Variants in NOTCH2NLB observed in about 807,000 individuals in gnomAD.
NOTCH2NLB encodes the protein notch 2 N-terminal like B.
NOTCH2NLB carries 1 observed loss-of-function variant against 14.8 expected under a neutral mutation model. The ratio of observed to expected loss-of-function variants is 0.07; its 90% CI spans 0.02 to 0.32. The LOEUF is 0.32. Among genes scored for constraint, NOTCH2NLB ranks in the 10% least tolerant of loss-of-function variants. NOTCH2NLB has a pLI of 1.00. For missense variants in NOTCH2NLB, 11 were observed against 155.0 expected, an observed-to-expected ratio of 0.07 and a Z score of 4.93; for synonymous variants, 6 against 57.5, an observed-to-expected ratio of 0.10 and a Z score of 4.05.
At chr1:148,646,036 A>G (rs1373618139) in intron 1 of NOTCH2NLB, among the ~76,000 whole-genome samples, 9 of 141,244 alleles carry the variant, frequency 6.4e-5, no homozygotes, top group Non-Finnish European at 9.4e-5. Context: ...ACGTTGAAAC[A>G]TAATCCCCAA....
At chr1:148,602,274 AAAAAAAGAAAAG>A (rs1663391064), downstream of NOTCH2NLB, among the ~76,000 whole-genome samples, 2 of 70,214 alleles carry the variant, frequency 2.8e-5, no homozygotes, top group Non-Finnish European at 4.8e-5. Flanking sequence ...AAAAAAAAAA[AAAAAAAGAAAAG>A]AAAAGAAAAT....
chr1:148,625,704 G>C (rs1475276142), intron 2 of NOTCH2NLB, among the ~76,000 whole-genome samples: 4 of 114,574 alleles, frequency 3.5e-5, no homozygotes, highest in Non-Finnish European at 5.2e-5. Flanking sequence ...GAGCTCTAGA[G>C]GGGGGAGCTG....
At chr1:148,645,593 G>C (rs1266396129) in intron 1 of NOTCH2NLB, among the ~76,000 whole-genome samples, 1 of 148,630 alleles carries the variant, frequency 6.7e-6, no homozygotes, top group East Asian at 1.9e-4. Flanking sequence ...CCTCTTTCCT[G>C]AACAGATCGT....
At chr1:148,670,539 A>AAAATATATAT (rs1445301786) in intron 1 of NOTCH2NLB, among the ~76,000 whole-genome samples, 1 of 93,482 alleles carries the variant, frequency 1.1e-5, no homozygotes, top group African/African-American at 4.3e-5. Flanking sequence ...TAAAAAAAAA[A>AAAATATATAT]ATATATATAT....
intron 3 of NOTCH2NLB, among the ~76,000 whole-genome samples, chr1:148,610,388 A>AG (rs1663663611): frequency 1.5e-5 from 2 of 129,378 alleles, no homozygotes; most frequent in African/African-American, 6.5e-5. Context: ...AGAAAGAAAG[A>AG]AAGAAAGGGA....
At chr1:148,649,625 C>T (rs1324102221) in intron 1 of NOTCH2NLB, among the ~76,000 whole-genome samples, 200 of 151,522 alleles carry the variant, frequency 1.3e-3, no homozygotes, top group Middle Eastern at 0.01. Flanking sequence ...ATTCTCCTGC[C>T]TCAGCCTCCC....
intron 2 of NOTCH2NLB, among the ~76,000 whole-genome samples, chr1:148,638,652 A>C (rs1664272296): frequency 1.3e-5 from 2 of 149,310 alleles, no homozygotes; most frequent in South Asian, 4.3e-4. Flanking sequence ...TCCAATCCAA[A>C]CAACCTATTG....
chr1:148,604,950 T>C (rs1403397005), downstream of NOTCH2NLB, among the ~76,000 whole-genome samples: 10,696 of 120,044 alleles, frequency 0.089, 67 homozygotes, highest in Middle Eastern at 0.15. Flanking sequence ...CAACGCCATA[T>C]ACACACACAC....
At chr1:148,661,440 C>T (rs1198063856) in intron 1 of NOTCH2NLB, among the ~76,000 whole-genome samples, 1 of 149,096 alleles carries the variant, frequency 6.7e-6, no homozygotes. Context: ...TAAAATATTA[C>T]CAAAGCCATA....
At chr1:148,684,462 ATTG>A (rs1206047778), upstream of NOTCH2NLB, among the ~76,000 whole-genome samples, 1 of 146,238 alleles carries the variant, frequency 6.8e-6, no homozygotes, top group Non-Finnish European at 1.5e-5. Context: ...TTCTGCCATG[ATTG>A]TTAAGTTTCC....
Position 148,679,716 on chromosome 1 carries a change from G to C in NOTCH2NLB, c.-252C>G, listed in dbSNP as rs1664898528. 7.9e-6 allele frequency: 8 copies of C among 1,015,080 alleles called. 2 individuals are homozygous for C. Among genetic ancestry groups the C allele is most frequent in the Non-Finnish European group, 9.9e-6 (8 of 805,826 alleles). The allele number at this position is 1,015,080 out of a possible 1,614,324, so 62.9% of individuals were successfully genotyped here. ...CCGCGCCCGGAGTCCGCCGCTCCTC[G>C]GCCGCCGCCTCAGCCGCCCGAAGTT... On this transcript the variant is annotated 5_prime_UTR_variant, in exon 1 of 5. Coordinates refer to ENST00000593495, the Ensembl canonical transcript of NOTCH2NLB.
intron 1 of NOTCH2NLB, among the ~76,000 whole-genome samples, chr1:148,651,174 T>C (rs1209165539): frequency 1.1e-4 from 14 of 129,184 alleles, no homozygotes; most frequent in African/African-American, 3.4e-4. Context: ...TATATATATA[T>C]ATATATATAT....
chr1:148,651,162 A>ATATATATATATAT (rs1325402394), intron 1 of NOTCH2NLB, among the ~76,000 whole-genome samples: 29 of 46,002 alleles, frequency 6.3e-4, no homozygotes, highest in Non-Finnish European at 8.3e-4. Flanking sequence ...AAAAAAAAAA[A>ATATATATATATAT]ATATATATAT....
chr1:148,651,155 AAAAAAAAATAT>A lies in NOTCH2NLB; in HGVS notation c.4-11077_4-11067del, dbSNP rs1385918513. ...AAGACTCTGCCTGAGAAAAAAAAAA[AAAAAAAAATAT>A]ATATATATATATATATATATATATA... On this transcript the variant is annotated intron_variant, in intron 1 of 4. Coordinates refer to ENST00000593495, the Ensembl canonical transcript of NOTCH2NLB. Among the ~76,000 whole-genome samples the A allele has an allele frequency of 6.7e-3, 584 of 86,860 alleles. 1 individual carries two copies. The highest frequency in any genetic ancestry group is 0.023 in the African/African-American group (550 of 23,912). The allele number at this position is 86,860 out of a possible 152,430, so 57.0% of individuals were successfully genotyped here. A position where few individuals can be genotyped will look rare whatever the true frequency, so the allele number is the denominator to read the frequency against.
intron 1 of NOTCH2NLB, among the ~76,000 whole-genome samples, chr1:148,673,627 T>C (rs1341962318): frequency 4.1e-5 from 6 of 145,158 alleles, no homozygotes; most frequent in Non-Finnish European, 1.5e-5. Flanking sequence ...AGTCCGAAAA[T>C]GCTGGATTTC....
chr1:148,608,193 C>A (rs1346019443), intron 3 of NOTCH2NLB, among the ~76,000 whole-genome samples: 1 of 135,724 alleles, frequency 7.4e-6, no homozygotes, highest in Non-Finnish European at 1.5e-5. Flanking sequence ...TCAAGACCAG[C>A]CCAGCCAATA....
intron 2 of NOTCH2NLB, among the ~76,000 whole-genome samples, chr1:148,633,157 A>G (rs1664143099): frequency 7.8e-6 from 1 of 127,430 alleles, no homozygotes; most frequent in South Asian, 2.6e-4. Context: ...AACAGACCCT[A>G]ATACGCAATA....
At chr1:148,634,361 T>C (rs1239108379) in intron 2 of NOTCH2NLB, among the ~76,000 whole-genome samples, 1 of 148,250 alleles carries the variant, frequency 6.7e-6, no homozygotes, top group Non-Finnish European at 1.5e-5. Flanking sequence ...TCCCTGTCTA[T>C]TTCTTTGATC....
intron 1 of NOTCH2NLB, among the ~76,000 whole-genome samples, chr1:148,645,890 C>A (rs1419404391): frequency 1.3e-5 from 2 of 150,572 alleles, no homozygotes; most frequent in African/African-American, 2.4e-5. Context: ...GTATTTGAAG[C>A]AATGCAGTTA....
Sources: gnomAD v4.1 joint callset for allele counts (sites outside exome capture counted in the v4.1 genomes callset) on GRCh38, gnomAD v4.1.1 for gene constraint, MANE v1.5 for transcripts, NCBI Gene and HGNC (gene_info 2026-07-23, HGNC 2026-07-21) for gene names.